The following EEFSEC variants were observed in gnomAD, a reference collection of about 807,000 sequenced individuals.
EEFSEC encodes the protein eukaryotic elongation factor, selenocysteine-tRNA specific.
EEFSEC carries 43 observed loss-of-function variants against 42.1 expected under a neutral mutation model. That is an observed-to-expected ratio of 1.02 (90% CI 0.80 to 1.32). The LOEUF is 1.32. Among genes scored for constraint, EEFSEC ranks in the 40% most tolerant of loss-of-function variants. The probability of loss-of-function intolerance (pLI) is 0.00; values close to 1 mark genes in which losing one functional copy is unlikely to be tolerated. For synonymous variants in EEFSEC, 354 were observed against 339.1 expected, an observed-to-expected ratio of 1.04 and a Z score of -0.48; for missense variants, 745 against 803.6, an observed-to-expected ratio of 0.93 and a Z score of 0.88.
chr3:128,404,533 C>G (rs1351871657), intron 6 of EEFSEC, among the ~76,000 whole-genome samples: 1 of 152,108 alleles, frequency 6.6e-6, no homozygotes, highest in Admixed American at 6.5e-5. Context: ...GACGGGCTGC[C>G]CATGCCATTT....
intron 6 of EEFSEC, among the ~76,000 whole-genome samples, chr3:128,393,583 C>G (rs1278055790): frequency 6.6e-6 from 1 of 152,228 alleles, no homozygotes; most frequent in Non-Finnish European, 1.5e-5. Flanking sequence ...ACAGCCCCCA[C>G]CCAGCCACAA....
chr3:128,268,825 C>T (rs553255594), intron 4 of EEFSEC, among the ~76,000 whole-genome samples: 27 of 152,192 alleles, frequency 1.8e-4, no homozygotes, highest in African/African-American at 5.8e-4. Flanking sequence ...GCTGACACGT[C>T]GATTTGGACT....
intron 4 of EEFSEC, among the ~76,000 whole-genome samples, chr3:128,289,983 T>C (rs1240772936): frequency 2.0e-5 from 3 of 152,246 alleles, no homozygotes; most frequent in Non-Finnish European, 4.4e-5. Context: ...TTAGGGCACA[T>C]GTCCTTTGTC....
intron 6 of EEFSEC, among the ~76,000 whole-genome samples, chr3:128,390,702 G>T (rs909110042): frequency 6.6e-6 from 1 of 152,166 alleles, no homozygotes; most frequent in African/African-American, 2.4e-5. Context: ...CAGCCAGAGG[G>T]CCCCTGCCCT....
At chr3:128,222,551 T>A (rs1241501816) in intron 1 of EEFSEC, among the ~76,000 whole-genome samples, 1 of 152,234 alleles carries the variant, frequency 6.6e-6, no homozygotes, top group Non-Finnish European at 1.5e-5. Context: ...CATAATTAAA[T>A]TTTCTCTGAA....
chr3:128,298,784 A>T (rs916151288), intron 4 of EEFSEC, among the ~76,000 whole-genome samples: 1 of 152,110 alleles, frequency 6.6e-6, no homozygotes, highest in Non-Finnish European at 1.5e-5. Flanking sequence ...CCTCCATGAG[A>T]CCCACTTCCC....
At chr3:128,424,178 G>A in the EEFSEC span, among the ~76,000 whole-genome samples, 7 of 152,164 alleles carry the variant, frequency 4.6e-5, no homozygotes, top group African/African-American at 1.7e-4. Context: ...CAGCCTCCTG[G>A]CTTCTGCTGC....
intron 4 of EEFSEC, among the ~76,000 whole-genome samples, chr3:128,300,271 A>T (rs1212088603): frequency 6.6e-6 from 1 of 152,298 alleles, no homozygotes; most frequent in East Asian, 1.9e-4. Context: ...CTGGCCTTTT[A>T]TCTCATTCTT....
intron 6 of EEFSEC, among the ~76,000 whole-genome samples, chr3:128,407,687 G>C (rs1397771199): frequency 1.3e-5 from 2 of 152,204 alleles, no homozygotes; most frequent in Non-Finnish European, 2.9e-5. Flanking sequence ...AGGCACACAA[G>C]AGGGTGGAGA....
chr3:128,361,122 A>G (rs573600202), intron 6 of EEFSEC, among the ~76,000 whole-genome samples: 48 of 152,276 alleles, frequency 3.2e-4, no homozygotes, highest in African/African-American at 1.1e-3. Context: ...GGCTGGGTTC[A>G]GATGCACTTC....
Position 128,408,181 on chromosome 3 carries a change from C to T in EEFSEC, c.1713C>T (p.Pro571=), listed in dbSNP as rs1201556162. 1.2e-6 allele frequency: 2 copies of T among 1,613,016 alleles called. No homozygotes were observed. The highest frequency in any genetic ancestry group is 3.3e-5 in the Admixed American group (2 of 59,976). The change falls in exon 7 of 7, where the codon CCC becomes CCT. Residue 571 remains proline, a synonymous_variant. Coordinates refer to ENST00000254730, the MANE Select transcript of EEFSEC (RefSeq NM_021937.5). The part of the protein sequence containing the change: ...RQEESAERSE[P]SQHVVLSLTF... ...AGGAGAGCGCCGAGCGGAGCGAGCC[C>T]TCACAGCATGTGGTGCTCAGCCTGA...
chr3:128,257,365 C>T (rs537862367), intron 2 of EEFSEC, among the ~76,000 whole-genome samples: 1 of 152,272 alleles, frequency 6.6e-6, no homozygotes, highest in South Asian at 2.1e-4. Flanking sequence ...AGAGGGGCTC[C>T]ACGGCTTTGT....
At chr3:128,278,089 G>A (rs2066487331) in intron 4 of EEFSEC, among the ~76,000 whole-genome samples, 1 of 152,218 alleles carries the variant, frequency 6.6e-6, no homozygotes, top group Admixed American at 6.5e-5. Flanking sequence ...TTCTTATGAC[G>A]CAGCTGGTTT....
chr3:128,322,254 T>C (rs2067015657), intron 4 of EEFSEC, among the ~76,000 whole-genome samples: 1 of 152,242 alleles, frequency 6.6e-6, no homozygotes, highest in Non-Finnish European at 1.5e-5. Flanking sequence ...GGCTGGGTGA[T>C]GGCAGGCAAG....
intron 1 of EEFSEC, among the ~76,000 whole-genome samples, chr3:128,216,696 A>G (rs552753505): frequency 2.6e-5 from 4 of 152,380 alleles, no homozygotes; most frequent in African/African-American, 9.6e-5. Flanking sequence ...ATTGCTTGCA[A>G]GAGCCTCAGG....
In EEFSEC at chr3:128,255,148, G is replaced by A. The variant is rs146387861; in HGVS notation, c.525-6980G>A. Among the ~76,000 whole-genome samples the A allele has an allele frequency of 5.8e-3, 887 of 152,236 alleles. 2 individuals carry two copies. The highest frequency in any genetic ancestry group is 0.01 in the Middle Eastern group (3 of 294). ...TTGGCTGGGGATGCGGTTTGGGAGC[G>A]GCCCACAAGGGGGCTGTGGCCCTCA... On this transcript the variant is annotated intron_variant, in intron 2 of 6. Transcript: ENST00000254730.
chr3:128,278,905 T>TGCTGCTGCTGTGGCA (rs1340821823), intron 4 of EEFSEC, among the ~76,000 whole-genome samples: 2 of 152,240 alleles, frequency 1.3e-5, no homozygotes, highest in Non-Finnish European at 2.9e-5. Flanking sequence ...CAGCCTCCAA[T>TGCTGCTGCTGTGGCA]GCTGCTGCTG....
At chr3:128,153,898 C>A in intron 1 of EEFSEC, 75 bp downstream of exon 1, 1 of 1,424,728 alleles carries the variant, frequency 7.0e-7, no homozygotes, top group South Asian at 1.5e-5. Flanking sequence ...CGAATTCGCT[C>A]GAGCCTTTGC....
intron 6 of EEFSEC, among the ~76,000 whole-genome samples, chr3:128,380,628 C>T (rs529133796): frequency 7.2e-5 from 11 of 152,356 alleles, no homozygotes; most frequent in African/African-American, 2.4e-4. Context: ...TTCACACTGA[C>T]CCAGGTGTTA....
Sources: gnomAD v4.1 joint callset for allele counts (sites outside exome capture counted in the v4.1 genomes callset) on GRCh38, gnomAD v4.1.1 for gene constraint, MANE v1.5 for transcripts, NCBI Gene and HGNC (gene_info 2026-07-23, HGNC 2026-07-21) for gene names.